SYCE1L: variants seen among roughly 807,000 people sequenced by gnomAD.
SYCE1L encodes synaptonemal complex central element protein 1-like.
SYCE1L carries 51 observed loss-of-function variants against 39.6 expected under a neutral mutation model. The observed-to-expected ratio is 1.29, with a 90% CI of 1.03 to 1.63. SYCE1L has a LOEUF of 1.63. SYCE1L is among the 40% of genes most tolerant of loss of function. The pLI is 0.00. For missense variants in SYCE1L, 426 were observed against 304.9 expected, an observed-to-expected ratio of 1.40 and a Z score of -2.96; for synonymous variants, 147 against 122.4, an observed-to-expected ratio of 1.20 and a Z score of -1.33.
rs959686167 is a variant in SYCE1L at position 77,213,050 on chromosome 16, G to A, written c.*119G>A. On this transcript the variant is annotated 3_prime_UTR_variant, in exon 11 of 11. Coordinates refer to ENST00000378644, the MANE Select transcript of SYCE1L (RefSeq NM_001129979.3). ...CTGTGCTACACCGTGGAGCGGGGCG[G>A]GGCGTGCTGGGATCTCGAGGCGGGG... 4.9e-5 allele frequency: 54 copies of A among 1,095,718 alleles called. No individual in the cohort carries two copies. The highest frequency in any genetic ancestry group is 6.4e-5 in the Non-Finnish European group (54 of 839,870). 67.9% of individuals were successfully genotyped at this position (1,095,718 alleles called of 1,614,324 possible). A position where few individuals can be genotyped will look rare whatever the true frequency, so the allele number is the denominator to read the frequency against.
chr16:77,212,958 CT>C lies in SYCE1L; in HGVS notation c.*29del. On this transcript the variant is annotated 3_prime_UTR_variant, in exon 11 of 11. Transcript: ENST00000378644. ...CCAGCAGGACCCGCCCGTTCCCGAC[CT>C]TCCCTCGAGACCCGCCAAGAAATAA... The C allele has an allele frequency of 1.4e-6, 2 of 1,471,874 alleles. No individual in the cohort carries two copies. Among genetic ancestry groups the C allele is most frequent in the Admixed American group, 2.5e-5 (1 of 39,886 alleles). 91.2% of individuals were successfully genotyped at this position (1,471,874 alleles called of 1,614,324 possible).
chr16:77,200,230 G>C (rs1323731411), intron 1 of SYCE1L: 4 of 134,088 alleles, frequency 3.0e-5, no homozygotes, highest in African/African-American at 1.2e-4. Context: ...ATGTATGTGT[G>C]TGTATATATA....
At chr16:77,205,849 G>C (rs1299633710) in intron 1 of SYCE1L, among the ~76,000 whole-genome samples, 1 of 152,144 alleles carries the variant, frequency 6.6e-6, no homozygotes, top group African/African-American at 2.4e-5. Flanking sequence ...AAGGCAGCTT[G>C]TAAGTGCATC....
rs949839706 is a variant in SYCE1L, at chr16:77,213,057, C to G, written c.*126C>G. On this transcript the variant is annotated 3_prime_UTR_variant, in exon 11 of 11. Transcript: ENST00000378644. ...ACACCGTGGAGCGGGGCGGGGCGTG[C>G]TGGGATCTCGAGGCGGGGCCTCTGC... is the stretch of plus-strand genomic sequence containing the variant. 2 of 992,708 alleles carry G rather than the reference C, an allele frequency of 2.0e-6. No individual in the cohort carries two copies. Among genetic ancestry groups the G allele is most frequent in the Non-Finnish European group, 2.7e-6 (2 of 750,650 alleles). The allele number at this position is 992,708 out of a possible 1,614,324, so 61.5% of individuals were successfully genotyped here.
intron 2 of SYCE1L, 52 bp downstream of exon 2, chr16:77,206,552 G>A: frequency 6.5e-7 from 1 of 1,534,570 alleles, no homozygotes. Context: ...AAGTCAGAAA[G>A]ACATGGTACA....
At chr16:77,207,092 C>T (rs531582771) in intron 2 of SYCE1L, among the ~76,000 whole-genome samples, 72 of 152,280 alleles carry the variant, frequency 4.7e-4, no homozygotes, top group African/African-American at 1.6e-3. Flanking sequence ...CTGCTGCCTA[C>T]GGTAAAATTA....
intron 1 of SYCE1L, among the ~76,000 whole-genome samples, chr16:77,204,028 A>C (rs1192738081): frequency 6.6e-6 from 1 of 152,156 alleles, no homozygotes; most frequent in African/African-American, 2.4e-5. Flanking sequence ...GTACTTATTC[A>C]TCAGAAAGTT....
At chr16:77,200,248 G>GTGTATATATATA (rs1567422956) in intron 1 of SYCE1L, 1 of 88,990 alleles carries the variant, frequency 1.1e-5, no homozygotes, top group African/African-American at 5.2e-5. Flanking sequence ...ATATATATAT[G>GTGTATATATATA]TATATGTGTA....
chr16:77,213,151 A>G lies in SYCE1L; in HGVS notation c.*220A>G, dbSNP rs1034557167. 7.2e-6 allele frequency: 3 copies of G among 416,624 alleles called. No homozygotes were observed. Among genetic ancestry groups the G allele is most frequent in the Non-Finnish European group, 1.3e-5 (3 of 238,170 alleles). The allele number at this position is 416,624 out of a possible 1,614,324, so 25.8% of individuals were successfully genotyped here. A position where few individuals can be genotyped will look rare whatever the true frequency, so the allele number is the denominator to read the frequency against. ...TGGGTAAATGCTCCTGAACTCAGAG[A>G]GAGTAAGTGGGTGTCAGTATCCCCC... is the stretch of plus-strand genomic sequence containing the variant. On this transcript the variant is annotated 3_prime_UTR_variant, in exon 11 of 11. Transcript: ENST00000378644.
At chr16:77,208,905 G>C (rs1041446968) in intron 4 of SYCE1L, among the ~76,000 whole-genome samples, 192 bp from the exon 5 acceptor site, 1 of 152,182 alleles carries the variant, frequency 6.6e-6, no homozygotes, top group Non-Finnish European at 1.5e-5. Context: ...CATTTACAAA[G>C]AATGTGGGCA....
At chr16:77,206,583 C>A (rs1297049526) in intron 2 of SYCE1L, 83 bp downstream of exon 2, 68 of 1,363,462 alleles carry the variant, frequency 5.0e-5, no homozygotes, top group Non-Finnish European at 6.8e-5. Context: ...CCTGAACTCA[C>A]AACCTCAGGA....
In SYCE1L at chr16:77,213,027, G is replaced by A; in HGVS notation, c.*96G>A. 4.1e-6 allele frequency: 5 copies of A among 1,216,168 alleles called. No individual in the cohort carries two copies. The East Asian group carries it at 9.2e-5, about 22-fold the overall frequency. 75.3% of individuals were successfully genotyped at this position (1,216,168 alleles called of 1,614,324 possible). On this transcript the variant is annotated 3_prime_UTR_variant, in exon 11 of 11. Transcript: ENST00000378644. Reference sequence around the variant, plus strand: ...CATGCTCGCGTTCTCCGCGGAGTCTGTGCTACACCGTGGAGCGGGGCGGGG... The same window carrying A: ...CATGCTCGCGTTCTCCGCGGAGTCTATGCTACACCGTGGAGCGGGGCGGGG...
At chr16:77,208,984 TC>T in intron 4 of SYCE1L, 112 bp from the exon 5 acceptor site, 3 of 1,177,514 alleles carry the variant, frequency 2.5e-6, no homozygotes, top group Non-Finnish European at 3.7e-6. Context: ...AGAAGATACC[TC>T]ACCTCTCCTA....
At chr16:77,206,551 A>G (rs2054787168) in intron 2 of SYCE1L, 51 bp downstream of exon 2, 10 of 1,536,622 alleles carry the variant, frequency 6.5e-6, no homozygotes, top group South Asian at 4.8e-5. Flanking sequence ...CAAGTCAGAA[A>G]GACATGGTAC....
In SYCE1L at chr16:77,212,998, C is replaced by T. The variant is rs2054837629; in HGVS notation, c.*67C>T. 4 of 1,396,824 alleles carry T rather than the reference C, an allele frequency of 2.9e-6. No homozygotes were observed. Among genetic ancestry groups the T allele is most frequent in the Non-Finnish European group, 3.8e-6 (4 of 1,056,998 alleles). 86.5% of individuals were successfully genotyped at this position (1,396,824 alleles called of 1,614,324 possible). A position where few individuals can be genotyped will look rare whatever the true frequency, so the allele number is the denominator to read the frequency against. Reference sequence around the variant, plus strand: ...GCCAAGAAATAAAGGCGATGATTTCCGACCATGCTCGCGTTCTCCGCGGAG... The same window carrying T: ...GCCAAGAAATAAAGGCGATGATTTCTGACCATGCTCGCGTTCTCCGCGGAG... On this transcript the variant is annotated 3_prime_UTR_variant, in exon 11 of 11. Coordinates refer to ENST00000378644, the MANE Select transcript of SYCE1L (RefSeq NM_001129979.3).
chr16:77,208,749 G>A (rs573585639), intron 4 of SYCE1L, among the ~76,000 whole-genome samples: 17 of 152,154 alleles, frequency 1.1e-4, no homozygotes, highest in African/African-American at 3.4e-4. Flanking sequence ...ATAGAATCCC[G>A]CCCTCTCTTG....
rs747328336 is a variant in SYCE1L, at chr16:77,212,377, G to A, written c.581+8G>A. ...CATGGCGGTGAATGACGGGTGAGAGGGGAAGGGAGGAGTGGGCGAGGAGGG... is the reference window on the plus strand; with the variant it reads ...CATGGCGGTGAATGACGGGTGAGAGAGGAAGGGAGGAGTGGGCGAGGAGGG... On this transcript the variant is annotated splice_region_variant and intron_variant, in intron 9 of 10. Transcript: ENST00000378644. 6 of 1,527,776 alleles carry A rather than the reference G, an allele frequency of 3.9e-6. No individual in the cohort carries two copies. Among genetic ancestry groups the A allele is most frequent in the African/African-American group, 1.4e-5 (1 of 71,496 alleles). The allele number at this position is 1,527,776 out of a possible 1,614,324, so 94.6% of individuals were successfully genotyped here.
chr16:77,210,032 C>CCTTTCTTT (rs1465132791), intron 6 of SYCE1L, among the ~76,000 whole-genome samples: 2 of 152,204 alleles, frequency 1.3e-5, no homozygotes, highest in East Asian at 1.9e-4. Flanking sequence ...TTTTAGCAAT[C>CCTTTCTTT]CTTTCTTTCT....
chr16:77,199,458 G>C lies in SYCE1L; in HGVS notation c.7G>C (p.Gly3Arg). The C allele has an allele frequency of 6.4e-7, 1 of 1,551,540 alleles. No homozygotes were observed. The highest frequency in any genetic ancestry group is 2.4e-5 in the East Asian group (1 of 40,910). The change falls in exon 1 of 11, where the codon GGG becomes CGG. Residue 3 changes from glycine (G) to arginine (R), a missense_variant. Transcript: ENST00000378644. MA[G>R]KLKPLNVEAP... ...GCAGGCCCCGCGTTGGAAAATGGCG[G>C]GGAAGCTGAAACCTCTGAATGTGGA...
Sources: gnomAD v4.1 joint callset for allele counts (sites outside exome capture counted in the v4.1 genomes callset) on GRCh38, gnomAD v4.1.1 for gene constraint, MANE v1.5 for transcripts, NCBI Gene and HGNC (gene_info 2026-07-23, HGNC 2026-07-21) for gene names.